Variants in CNGB3 observed in about 807,000 individuals in gnomAD.
CNGB3 encodes cyclic nucleotide gated channel subunit beta 3.
CNGB3 carries 86 observed loss-of-function variants against 92.8 expected under a neutral mutation model. The observed-to-expected ratio is 0.93, with a 90% CI of 0.78 to 1.11. The LOEUF is 1.11. CNGB3 is among the 50% of genes least tolerant of loss of function. The pLI, the probability that CNGB3 is intolerant of heterozygous loss-of-function variation, is 0.00. For synonymous variants in CNGB3, 333 were observed against 332.7 expected (o/e 1.00, Z -0.01); for missense variants, 1,026 against 956.8 (o/e 1.07, Z -0.95).
At chr8:86,702,107 G>A (rs1325023811) in intron 3 of CNGB3, among the ~76,000 whole-genome samples, 2 of 152,122 alleles carry the variant, frequency 1.3e-5, no homozygotes, top group South Asian at 4.1e-4. Context: ...TTCTTTACAT[G>A]TTCCTCACAT....
rs143977011 is a variant in CNGB3 at position 86,666,911 on chromosome 8, C to T, written c.852+14G>A. On this transcript the variant is annotated intron_variant, in intron 6 of 17. Transcript: ENST00000320005. The stretch of plus-strand genomic sequence containing the variant: ...TTCACGTTTCAGTTTCTGCCTTTCC[C>T]GAACCCCACTTACTATTATGTCTCC... 106 of 1,605,864 alleles carry T rather than the reference C, an allele frequency of 6.6e-5. No homozygotes were observed. In the African/African-American group the frequency reaches 1.0e-3, roughly 16 times the overall value.
intron 10 of CNGB3, among the ~76,000 whole-genome samples, chr8:86,639,511 C>T (rs949624510): frequency 6.6e-6 from 1 of 151,832 alleles, no homozygotes; most frequent in African/African-American, 2.4e-5. Flanking sequence ...CATTTATGCC[C>T]CACAGTCTGC....
chr8:86,607,190 TAATC>T (rs934312872), intron 14 of CNGB3, among the ~76,000 whole-genome samples: 3 of 152,214 alleles, frequency 2.0e-5, no homozygotes, highest in African/African-American at 7.2e-5. Flanking sequence ...AGATCTGGCA[TAATC>T]AACGAACCAA....
At chr8:86,585,087 G>A (rs1821866125) in intron 15 of CNGB3, among the ~76,000 whole-genome samples, 1 of 152,110 alleles carries the variant, frequency 6.6e-6, no homozygotes, top group African/African-American at 2.4e-5. Context: ...GTACTAGTGT[G>A]CCAAAGTTGA....
At chr8:86,613,503 T>C (rs986319390) in intron 13 of CNGB3, among the ~76,000 whole-genome samples, 1 of 152,182 alleles carries the variant, frequency 6.6e-6, no homozygotes, top group Non-Finnish European at 1.5e-5. Context: ...GTCTTTGATA[T>C]GGTAAAGAAA....
intron 7 of CNGB3, among the ~76,000 whole-genome samples, chr8:86,653,238 C>A (rs1020055650): frequency 6.6e-6 from 1 of 151,844 alleles, no homozygotes; most frequent in African/African-American, 2.4e-5. Flanking sequence ...AGTATTTATC[C>A]TCTTTGTAGA....
Position 86,644,685 on chromosome 8 carries a change from T to A in CNGB3, c.992A>T (p.Tyr331Phe), listed in dbSNP as rs1823264225. The A allele has an allele frequency of 6.4e-7, 1 of 1,559,610 alleles. No homozygotes were observed. ...PMFRANRMLK[Y>F]TSFFEFNHHL... ...ATGATTAAATTCAAAAAATGAAGTG[T>A]ACTATATAGAAAAGCAAAAGAAATC... The change falls in exon 9 of 18, where the codon TAC (tyrosine) becomes TTC (phenylalanine). Residue 331 changes from tyrosine to phenylalanine, a missense_variant and splice_region_variant. By Grantham distance (22) the Tyr-to-Phe change is conservative. Transcript: ENST00000320005.
intron 3 of CNGB3, among the ~76,000 whole-genome samples, chr8:86,699,933 C>G (rs550137189): frequency 6.6e-6 from 1 of 151,936 alleles, no homozygotes; most frequent in African/African-American, 2.4e-5. Context: ...CCTTTCCTCC[C>G]TCTATCATCC....
intron 13 of CNGB3, among the ~76,000 whole-genome samples, chr8:86,620,646 C>A (rs1563729425): frequency 2.0e-5 from 3 of 152,164 alleles, no homozygotes; most frequent in Admixed American, 6.5e-5. Flanking sequence ...AGGTCCCACA[C>A]CTGGACCATT....
At chr8:86,732,687 C>G (rs1403934945) in intron 2 of CNGB3, among the ~76,000 whole-genome samples, 1 of 152,160 alleles carries the variant, frequency 6.6e-6, no homozygotes, top group Admixed American at 6.5e-5. Context: ...TTTTCTTCAT[C>G]ATCTCAAACT....
intron 3 of CNGB3, among the ~76,000 whole-genome samples, chr8:86,699,538 T>A (rs1824513284): frequency 6.6e-6 from 1 of 152,184 alleles, no homozygotes; most frequent in Admixed American, 6.5e-5. Flanking sequence ...ATAAGTACCA[T>A]TTCCAATGAG....
At chr8:86,626,148 G>A in intron 12 of CNGB3, 68 bp from the exon 13 acceptor site, 1 of 1,261,290 alleles carries the variant, frequency 7.9e-7, no homozygotes, top group Non-Finnish European at 1.1e-6. Flanking sequence ...CAAGGTACAA[G>A]TAGAAAAATT....
At chr8:86,707,696 A>G (rs1036816716) in intron 3 of CNGB3, 26 of 152,346 alleles carry the variant, frequency 1.7e-4, no homozygotes, top group African/African-American at 6.3e-4. Flanking sequence ...CAACAGGATC[A>G]TCCAGGCTAC....
chr8:86,621,590 T>C (rs1354380076), intron 13 of CNGB3, among the ~76,000 whole-genome samples: 1 of 152,098 alleles, frequency 6.6e-6, no homozygotes, highest in Non-Finnish European at 1.5e-5. Flanking sequence ...GTGTACCCAC[T>C]GTGTATACAC....
intron 1 of CNGB3, among the ~76,000 whole-genome samples, chr8:86,741,792 A>T (rs77773391): frequency 6.6e-6 from 1 of 152,190 alleles, no homozygotes; most frequent in Non-Finnish European, 1.5e-5. Context: ...TAATCTAAGT[A>T]CTTCTCCAAT....
intron 2 of CNGB3, 131 bp downstream of exon 2, chr8:86,739,524 C>A: frequency 7.1e-7 from 1 of 1,402,692 alleles, no homozygotes; most frequent in South Asian, 1.3e-5. Context: ...TTCAGATCTT[C>A]AAATAACCTC....
intron 3 of CNGB3, among the ~76,000 whole-genome samples, chr8:86,679,888 A>T (rs557638673): frequency 8.5e-5 from 13 of 152,320 alleles, no homozygotes; most frequent in African/African-American, 3.1e-4. Flanking sequence ...CATCTCATTC[A>T]CAGCGGAAAG....
intron 13 of CNGB3, among the ~76,000 whole-genome samples, chr8:86,612,245 T>A (rs1822535373): frequency 6.6e-6 from 1 of 152,166 alleles, no homozygotes; most frequent in South Asian, 2.1e-4. Flanking sequence ...TGATTGTTCA[T>A]ATTCACTTTA....
At chr8:86,733,430 G>T (rs182366269) in intron 2 of CNGB3, among the ~76,000 whole-genome samples, 1 of 152,334 alleles carries the variant, frequency 6.6e-6, no homozygotes, top group Non-Finnish European at 1.5e-5. Flanking sequence ...CTTTTGGGTA[G>T]AACAATTTAT....
Sources: gnomAD v4.1 joint callset for allele counts (sites outside exome capture counted in the v4.1 genomes callset) on GRCh38, gnomAD v4.1.1 for gene constraint, MANE v1.5 for transcripts, NCBI Gene and HGNC (gene_info 2026-07-23, HGNC 2026-07-21) for gene names.